Variants in BUB1B observed in about 807,000 individuals in gnomAD.
The protein encoded by BUB1B is mitotic checkpoint serine/threonine-protein kinase BUB1 beta.
A neutral mutation model predicts 137.7 loss-of-function variants in BUB1B; 86 were observed. The observed-to-expected ratio is 0.62, with a 90% CI of 0.52 to 0.75. The LOEUF is 0.75. Among genes scored for constraint, BUB1B ranks in the 30% least tolerant of loss-of-function variants. BUB1B has a pLI of 0.00. For synonymous variants in BUB1B, 420 were observed against 417.9 expected (o/e 1.00, Z -0.06); for missense variants, 1,130 against 1,236.9 (o/e 0.91, Z 1.30).
intron 2 of BUB1B, among the ~76,000 whole-genome samples, chr15:40,169,720 T>C (rs60743501): frequency 0.057 from 8,602 of 150,968 alleles, 809 homozygotes; most frequent in African/African-American, 0.2. Context: ...TCAAGTGCTC[T>C]TCCCACCTCA....
Position 40,217,477 on chromosome 15 carries a change from C to T in BUB1B, c.2679-19C>T, listed in dbSNP as rs1357323558. ...CATGGCCTATTTTTATTATCTCCTTCTCTTAAATCTGGGCTCAGAATCCAC... is the reference window on the plus strand; with the variant it reads ...CATGGCCTATTTTTATTATCTCCTTTTCTTAAATCTGGGCTCAGAATCCAC... On this transcript the variant is annotated intron_variant, in intron 20 of 22. Transcript: ENST00000287598. 8.1e-6 allele frequency: 13 copies of T among 1,612,920 alleles called. No individual in the cohort carries two copies. The highest frequency in any genetic ancestry group is 1.3e-5 in the African/African-American group (1 of 74,804).
chr15:40,215,575 C>T (rs2037767496), intron 20 of BUB1B, among the ~76,000 whole-genome samples: 1 of 152,054 alleles, frequency 6.6e-6, no homozygotes, highest in South Asian at 2.1e-4. Context: ...CAAGACCATC[C>T]TGGCTAACAC....
At chr15:40,203,577 C>G (rs1018492762) in intron 14 of BUB1B, among the ~76,000 whole-genome samples, 1 of 152,146 alleles carries the variant, frequency 6.6e-6, no homozygotes, top group African/African-American at 2.4e-5. Flanking sequence ...GGAAAAATCA[C>G]TAATTTTAAA....
At chr15:40,196,859 C>T (rs2037505351) in intron 9 of BUB1B, 85 bp downstream of exon 9, 3 of 1,237,634 alleles carry the variant, frequency 2.4e-6, no homozygotes, top group African/African-American at 1.5e-5. Flanking sequence ...GAAAACTAAC[C>T]TTATAGTTTG....
Position 40,217,665 on chromosome 15 carries a change from C to T in BUB1B, c.2848C>T (p.Gln950Ter). 3 of 1,614,192 alleles carry T rather than the reference C, an allele frequency of 1.9e-6. No homozygotes were observed. The highest frequency in any genetic ancestry group is 2.5e-6 in the Non-Finnish European group (3 of 1,180,028). Residue 950 changes from glutamine to a stop codon, truncating the protein, a stop_gained and splice_region_variant, in exon 21 of 23, where the codon CAG becomes TAG. Transcript: ENST00000287598. LOFTEE classifies it high-confidence loss of function. ...KILANCSSPYQVDLFGIADLA... is the reference protein window; with the variant it reads ...KILANCSSPY ...CCTGGCTAACTGTTCTTCTCCCTAC[C>T]AGGTAAGTGTAAAACAAGCCTGAGC... is the stretch of plus-strand genomic sequence containing the variant.
intron 18 of BUB1B, among the ~76,000 whole-genome samples, chr15:40,210,877 A>G (rs1339630046): frequency 6.6e-6 from 1 of 152,184 alleles, no homozygotes. Flanking sequence ...ATAGGATCTT[A>G]TTCTTGTCCC....
Position 40,208,876 on chromosome 15 carries a change from C to T in BUB1B, c.2143+106C>T, listed in dbSNP as rs1327746855. On this transcript the variant is annotated intron_variant, in intron 16 of 22. Coordinates refer to ENST00000287598, the MANE Select transcript of BUB1B (RefSeq NM_001211.6). ...TTGAGACAGGGTCTCACTCTGTCAC[C>T]CAGGATGGAGTGCAGTGGCACAATC... is the stretch of plus-strand genomic sequence containing the variant. 34 of 1,189,190 alleles carry T rather than the reference C, an allele frequency of 2.9e-5. No homozygotes were observed. In the South Asian group the frequency reaches 4.1e-4, roughly 14 times the overall value. The allele number at this position is 1,189,190 out of a possible 1,614,324, so 73.7% of individuals were successfully genotyped here.
chr15:40,202,286 TA>T, intron 12 of BUB1B, 118 bp from the exon 13 acceptor site: 2 of 846,082 alleles, frequency 2.4e-6, no homozygotes, highest in South Asian at 1.5e-5. Flanking sequence ...TTTTTGTTAT[TA>T]AAAAAACAGG....
chr15:40,196,631 T>C lies in BUB1B; in HGVS notation c.1145T>C (p.Val382Ala). Residue 382 changes from valine to alanine, a missense_variant, in exon 9 of 23, where the codon GTT becomes GCT. Physicochemically the swap from Val to Ala is moderately conservative, Grantham distance 64. Coordinates refer to ENST00000287598, the MANE Select transcript of BUB1B (RefSeq NM_001211.6). ...GAAGAAGGAGATCCTCTACAAAGGG[T>C]TCAGAGCCATCAGCAAGCGTCTGAG... ...GKEEGDPLQR[V>A]QSHQQASEEK... 6.2e-7 allele frequency: 1 copy of C among 1,613,998 alleles called. No individual in the cohort carries two copies.
At chr15:40,193,878 G>A (rs1350741523) in intron 8 of BUB1B, among the ~76,000 whole-genome samples, 1 of 146,878 alleles carries the variant, frequency 6.8e-6, no homozygotes, top group Non-Finnish European at 1.5e-5. Flanking sequence ...TGGGTGACAA[G>A]AGCAAGATTC....
At chr15:40,215,508 G>T (rs1011127841) in intron 20 of BUB1B, among the ~76,000 whole-genome samples, 1 of 151,624 alleles carries the variant, frequency 6.6e-6, no homozygotes, top group Non-Finnish European at 1.5e-5. Flanking sequence ...AGTAGCTCAC[G>T]CCTGTAATCC....
In BUB1B at chr15:40,166,402, C is replaced by T. The variant is rs778564154; in HGVS notation, c.179+1206C>T. The T allele has an allele frequency of 6.2e-5, 26 of 417,550 alleles. 1 individual carries two copies. Among genetic ancestry groups the T allele is most frequent in the Middle Eastern group, 7.9e-4 (1 of 1,268 alleles). 25.9% of individuals were successfully genotyped at this position (417,550 alleles called of 1,614,324 possible). A position where few individuals can be genotyped will look rare whatever the true frequency, so the allele number is the denominator to read the frequency against. On this transcript the variant is annotated intron_variant, in intron 2 of 22. Coordinates refer to ENST00000287598, the MANE Select transcript of BUB1B (RefSeq NM_001211.6). ...TCGGCCAGGCTGGAGTGCAGTGGCACGATCTTGGCTCACTGGAAGCTCTGC... is the reference window on the plus strand; with the variant it reads ...TCGGCCAGGCTGGAGTGCAGTGGCATGATCTTGGCTCACTGGAAGCTCTGC...
intron 18 of BUB1B, 58 bp from the exon 19 acceptor site, chr15:40,212,441 C>G (rs1488953383): frequency 9.3e-6 from 13 of 1,393,920 alleles, no homozygotes; most frequent in Non-Finnish European, 1.3e-5. Context: ...GTGTTTCAAC[C>G]TGCCAGCCAT....
chr15:40,199,062 G>A (rs2037532461), intron 9 of BUB1B, among the ~76,000 whole-genome samples: 2 of 152,114 alleles, frequency 1.3e-5, no homozygotes, highest in South Asian at 4.1e-4. Context: ...TCCTGCATTG[G>A]GGCCTTTGTG....
At chr15:40,196,494 T>A in intron 8 of BUB1B, 51 bp from the exon 9 acceptor site, 2 of 1,452,700 alleles carry the variant, frequency 1.4e-6, no homozygotes, top group Non-Finnish European at 9.6e-7. Flanking sequence ...TCAATCTTAT[T>A]GATTTTTTTT....
chr15:40,175,974 G>A (rs1053991842), intron 4 of BUB1B, among the ~76,000 whole-genome samples: 4 of 151,724 alleles, frequency 2.6e-5, no homozygotes, highest in Admixed American at 6.6e-5. Flanking sequence ...TTAGAGACAG[G>A]GTCTCACTCT....
chr15:40,166,396 G>A (rs565239084), intron 2 of BUB1B: 11 of 424,832 alleles, frequency 2.6e-5, no homozygotes, highest in South Asian at 1.7e-4. Flanking sequence ...CTGGAGTGCA[G>A]TGGCACGATC....
rs1566826570 is a variant in BUB1B, at chr15:40,206,279, CT to C, written c.1833del (p.Phe611LeufsTer15). 1.9e-6 allele frequency: 3 copies of C among 1,614,184 alleles called. No individual in the cohort carries two copies. The East Asian group carries it at 6.7e-5, about 36-fold the overall frequency. Reference protein sequence around the residue: ...ICPNPEDTCDFARAARFVSTP... With the variant: ...ICPNPEDTCDXARAARFVSTP... ...GTCCTAACCCAGAAGACACTTGTGA[CT>C]TTGCCAGAGCAGCTCGTTTTGTATC... is the stretch of plus-strand genomic sequence containing the variant. On this transcript the variant is annotated frameshift_variant, in exon 15 of 23. Transcript: ENST00000287598. LOFTEE classifies it high-confidence loss of function.
intron 8 of BUB1B, among the ~76,000 whole-genome samples, chr15:40,193,654 A>G (rs1264635627): frequency 6.6e-6 from 1 of 151,550 alleles, no homozygotes; most frequent in Non-Finnish European, 1.5e-5. Context: ...CATGCTTGTA[A>G]TCCCAGTACT....
Sources: allele counts gnomAD v4.1 joint callset (sites outside exome capture counted in the v4.1 genomes callset), GRCh38; gene constraint gnomAD v4.1.1; transcripts MANE v1.5; gene names NCBI Gene and HGNC (gene_info 2026-07-23, HGNC 2026-07-21).